The following PHF24 variants were observed in gnomAD, a reference collection of about 807,000 sequenced individuals.
The protein encoded by PHF24 is Galpha inhibitory interacting protein.
In PHF24, 25 loss-of-function variants were observed where a neutral mutation model predicts 42.6. The ratio of observed to expected loss-of-function variants is 0.59; its 90% CI spans 0.43 to 0.82. The LOEUF is 0.82. Ranked by LOEUF, PHF24 falls within the 40% of genes least tolerant of loss-of-function variation. The pLI, the probability that PHF24 is intolerant of heterozygous loss-of-function variation, is 0.00. For synonymous variants in PHF24, 185 were observed against 204.8 expected (o/e 0.90, Z 0.83); for missense variants, 470 against 538.1 (o/e 0.87, Z 1.25).
chr9:34,969,863 A>G (rs1162277472), intron 1 of PHF24, among the ~76,000 whole-genome samples: 1 of 151,768 alleles, frequency 6.6e-6, no homozygotes, highest in Non-Finnish European at 1.5e-5. Context: ...TTCTCCTCCT[A>G]CCCGCTGTCA....
chr9:34,918,126 A>G, the PHF24 span: 1 of 1,550,800 alleles, frequency 6.4e-7, no homozygotes, highest in Non-Finnish European at 8.9e-7. Context: ...TGGTGTAGCC[A>G]ATCGTAGCGC....
At chr9:34,826,586 C>A in the PHF24 span, among the ~76,000 whole-genome samples, 11 of 152,352 alleles carry the variant, frequency 7.2e-5, no homozygotes, top group Middle Eastern at 3.4e-3. Flanking sequence ...CAGTCCCTGC[C>A]CTCAACAACT....
At chr9:34,960,311 G>A (rs1465731094) in intron 1 of PHF24, among the ~76,000 whole-genome samples, 2 of 152,162 alleles carry the variant, frequency 1.3e-5, no homozygotes, top group Non-Finnish European at 2.9e-5. Flanking sequence ...TTTGGCTCCT[G>A]GAATTACATA....
the PHF24 span, among the ~76,000 whole-genome samples, chr9:34,676,009 G>A: frequency 6.6e-6 from 1 of 152,174 alleles, no homozygotes; most frequent in Non-Finnish European, 1.5e-5. Context: ...AATGTAGGTG[G>A]GGCGGGGAAA....
the PHF24 span, among the ~76,000 whole-genome samples, chr9:34,925,226 C>T: frequency 7.9e-5 from 12 of 152,206 alleles, no homozygotes; most frequent in South Asian, 2.1e-4. Flanking sequence ...CTGAGAAATC[C>T]GCTGTTAGTG....
chr9:34,705,908 T>TA, the PHF24 span, among the ~76,000 whole-genome samples: 17 of 151,996 alleles, frequency 1.1e-4, no homozygotes, highest in Non-Finnish European at 2.1e-4. Flanking sequence ...CATTTTATTT[T>TA]AAAAAAAAGT....
rs1587481271 is a variant in PHF24 at position 34,977,128 on chromosome 9, C to T, written c.895C>T (p.Arg299Ter). ...GACAGTGAAGGAGCGGGAGCGAGCC[C>T]GAGCCGCCTTCCTGGCTCGGGGCAG... is the stretch of plus-strand genomic sequence containing the variant. The change falls in exon 6 of 8, where the codon CGA (arginine) becomes TGA (stop). Residue 299 changes from arginine to a stop codon, truncating the protein, a stop_gained. Coordinates refer to ENST00000242315, the Ensembl canonical transcript of PHF24. LOFTEE classifies it high-confidence loss of function. 3.7e-6 allele frequency: 6 copies of T among 1,613,094 alleles called. No individual in the cohort carries two copies. Among genetic ancestry groups the T allele is most frequent in the Non-Finnish European group, 4.2e-6 (5 of 1,179,354 alleles).
the PHF24 span, among the ~76,000 whole-genome samples, chr9:34,837,959 G>A: frequency 3.3e-5 from 5 of 152,172 alleles, no homozygotes. Context: ...TGAGGATGAA[G>A]CAAGAGAAAG....
At chr9:34,842,687 C>T in the PHF24 span, among the ~76,000 whole-genome samples, 1 of 152,158 alleles carries the variant, frequency 6.6e-6, no homozygotes, top group African/African-American at 2.4e-5. Context: ...TACATCCAGC[C>T]TCAAGAACTG....
the PHF24 span, among the ~76,000 whole-genome samples, chr9:34,751,513 T>A: frequency 6.6e-6 from 1 of 152,180 alleles, no homozygotes; most frequent in Non-Finnish European, 1.5e-5. Flanking sequence ...CAATTGTAAA[T>A]ATATATTCAC....
the PHF24 span, among the ~76,000 whole-genome samples, chr9:34,881,057 G>A: frequency 3.9e-4 from 60 of 152,128 alleles, no homozygotes; most frequent in African/African-American, 9.9e-4. Context: ...TAAGAAACTC[G>A]CTCAAAACCA....
the PHF24 span, among the ~76,000 whole-genome samples, chr9:34,861,135 T>TAAGTC: frequency 6.6e-6 from 1 of 152,218 alleles, no homozygotes; most frequent in Admixed American, 6.5e-5. Flanking sequence ...GTGTGCCTAT[T>TAAGTC]AAGTCTCTGG....
At chr9:34,820,449 A>G in the PHF24 span, among the ~76,000 whole-genome samples, 24 of 152,124 alleles carry the variant, frequency 1.6e-4, 2 homozygotes, top group Admixed American at 7.2e-4. Context: ...TGTGTACTCA[A>G]TGTTTAGCTT....
chr9:34,823,189 C>T, the PHF24 span, among the ~76,000 whole-genome samples: 31 of 110,990 alleles, frequency 2.8e-4, no homozygotes, highest in African/African-American at 9.9e-4. Flanking sequence ...GGCGACATAG[C>T]GAGACTCCGT....
At chr9:34,868,003 T>TG in the PHF24 span, among the ~76,000 whole-genome samples, 1 of 152,212 alleles carries the variant, frequency 6.6e-6, no homozygotes, top group Non-Finnish European at 1.5e-5. Flanking sequence ...TTGGTAGTGA[T>TG]GGTCTCTCTT....
chr9:34,977,185 C>T (rs369155460), exon 6 of PHF24: 6 of 1,613,874 alleles, frequency 3.7e-6, no homozygotes, highest in Admixed American at 3.3e-5. Context: ...AGAGTGCCGC[C>T]GGGCCCAGCA....
the PHF24 span, among the ~76,000 whole-genome samples, chr9:34,941,953 C>G: frequency 6.6e-6 from 1 of 152,190 alleles, no homozygotes; most frequent in Non-Finnish European, 1.5e-5. Flanking sequence ...TGACTTGTCA[C>G]TAAGTGGCTG....
At chr9:34,679,434 G>A in the PHF24 span, among the ~76,000 whole-genome samples, 1 of 152,238 alleles carries the variant, frequency 6.6e-6, no homozygotes, top group Non-Finnish European at 1.5e-5. Flanking sequence ...CTAGTTTAGA[G>A]TGGATCACTA....
chr9:34,685,895 G>C, the PHF24 span, among the ~76,000 whole-genome samples: 1 of 152,222 alleles, frequency 6.6e-6, no homozygotes, highest in Non-Finnish European at 1.5e-5. Context: ...AGTGGTATGT[G>C]TAATAGTTCA....
Sources: allele counts gnomAD v4.1 joint callset (sites outside exome capture counted in the v4.1 genomes callset), GRCh38; gene constraint gnomAD v4.1.1; transcripts MANE v1.5; gene names NCBI Gene and HGNC (gene_info 2026-07-23, HGNC 2026-07-21).